The following SGCZ variants were observed in gnomAD, a reference collection of about 807,000 sequenced individuals.
SGCZ encodes sarcoglycan zeta, also known as zeta-sarcoglycan.
In SGCZ, 40 loss-of-function variants were observed where a neutral mutation model predicts 41.3. That is an observed-to-expected ratio of 0.97 (90% CI 0.75 to 1.26). The LOEUF (loss-of-function observed/expected upper bound fraction) is 1.26, where lower values mean the gene tolerates loss of function less well. Ranked by LOEUF, SGCZ falls within the 50% of genes most tolerant of loss-of-function variation. SGCZ has a pLI of 0.00. For synonymous variants in SGCZ, 206 were observed against 137.5 expected (o/e 1.50, Z -3.49); for missense variants, 552 against 369.8 (o/e 1.49, Z -4.04).
intron 6 of SGCZ, among the ~76,000 whole-genome samples, chr8:14,103,888 ATCTAAATG>A (rs1003991883): frequency 5.3e-5 from 8 of 152,314 alleles, no homozygotes; most frequent in Non-Finnish European, 1.2e-4. Context: ...TACGCACAGT[ATCTAAATG>A]TCAAAATTTG....
chr8:15,141,925 C>T (rs902861517), intron 1 of SGCZ, among the ~76,000 whole-genome samples: 6 of 151,552 alleles, frequency 4.0e-5, no homozygotes, highest in African/African-American at 1.5e-4. Flanking sequence ...AAAATGAGAA[C>T]CTCAGTGAAA....
intron 1 of SGCZ, among the ~76,000 whole-genome samples, chr8:14,765,720 G>A (rs557602606): frequency 1.8e-4 from 28 of 152,190 alleles, no homozygotes; most frequent in African/African-American, 6.7e-4. Flanking sequence ...CATGACAAAC[G>A]CTAACAGAAA....
chr8:14,293,349 T>C (rs755344561), intron 3 of SGCZ, among the ~76,000 whole-genome samples: 1 of 151,982 alleles, frequency 6.6e-6, no homozygotes, highest in Non-Finnish European at 1.5e-5. Flanking sequence ...AAAAGTAGAA[T>C]AGAATTCCAG....
chr8:14,908,344 C>T (rs1799179682), intron 1 of SGCZ, among the ~76,000 whole-genome samples: 1 of 152,068 alleles, frequency 6.6e-6, no homozygotes, highest in South Asian at 2.1e-4. Flanking sequence ...TACCTAGTGG[C>T]CATTGTATAG....
chr8:14,856,527 A>G (rs1803551120), intron 1 of SGCZ, among the ~76,000 whole-genome samples: 1 of 152,206 alleles, frequency 6.6e-6, no homozygotes, highest in Non-Finnish European at 1.5e-5. Flanking sequence ...AGTGACTGCT[A>G]CTGAGAAGCT....
intron 4 of SGCZ, among the ~76,000 whole-genome samples, chr8:14,190,818 G>A (rs915511194): frequency 6.6e-6 from 1 of 151,846 alleles, no homozygotes; most frequent in African/African-American, 2.4e-5. Context: ...TAGCCAGGAT[G>A]GTCTCAATCT....
chr8:14,341,420 C>A (rs770969998), intron 2 of SGCZ, among the ~76,000 whole-genome samples: 3 of 152,170 alleles, frequency 2.0e-5, no homozygotes, highest in Non-Finnish European at 4.4e-5. Flanking sequence ...TCCTCCACAT[C>A]ATCACTAACA....
intron 2 of SGCZ, among the ~76,000 whole-genome samples, chr8:14,403,168 A>T (rs1387554140): frequency 6.7e-6 from 1 of 150,212 alleles, no homozygotes; most frequent in African/African-American, 2.5e-5. Flanking sequence ...GAAGTTGCTT[A>T]TCAGCTTAAG....
At chr8:14,408,951 G>GT (rs1563310398) in intron 2 of SGCZ, among the ~76,000 whole-genome samples, 3 of 106,308 alleles carry the variant, frequency 2.8e-5, no homozygotes, top group African/African-American at 1.9e-4. Flanking sequence ...TAAATTAAGA[G>GT]AGTGTGTGTG....
Position 14,264,831 on chromosome 8 carries a change from C to T in SGCZ, c.337-27152G>A, listed in dbSNP as rs574080748. Among the ~76,000 whole-genome samples, 127 of 152,112 alleles carry T rather than the reference C, an allele frequency of 8.3e-4. 1 individual carries two copies. The highest frequency in any genetic ancestry group is 1.6e-3 in the Non-Finnish European group (108 of 67,972). On this transcript the variant is annotated intron_variant, in intron 3 of 7. Coordinates refer to ENST00000382080, the MANE Select transcript of SGCZ (RefSeq NM_139167.4). ...TTAAAAAATTAGCCGGGCGTGGTGG[C>T]GGGCGCCTGTAGTCCCAGCTACTCG...
chr8:14,840,810 T>C (rs1320341262), intron 1 of SGCZ, among the ~76,000 whole-genome samples: 1 of 151,914 alleles, frequency 6.6e-6, no homozygotes, highest in African/African-American at 2.4e-5. Flanking sequence ...ATGAGACTTT[T>C]TAACCTCTTA....
intron 1 of SGCZ, among the ~76,000 whole-genome samples, chr8:14,741,367 A>G (rs1748697107): frequency 6.6e-6 from 1 of 152,086 alleles, no homozygotes; most frequent in African/African-American, 2.4e-5. Flanking sequence ...AGATCCTCAC[A>G]AAGGAAGTAT....
intron 1 of SGCZ, among the ~76,000 whole-genome samples, chr8:14,616,941 C>G (rs1274982116): frequency 6.6e-6 from 1 of 151,986 alleles, no homozygotes; most frequent in African/African-American, 2.4e-5. Flanking sequence ...CTGCTATTTC[C>G]CAGCTATATA....
intron 1 of SGCZ, among the ~76,000 whole-genome samples, chr8:14,806,561 A>G (rs1055222227): frequency 6.6e-5 from 10 of 152,344 alleles, no homozygotes; most frequent in African/African-American, 2.4e-4. Context: ...TAGACCAATA[A>G]CAGAATCTGA....
At chr8:15,232,583 A>G (rs1456335794) in intron 1 of SGCZ, among the ~76,000 whole-genome samples, 2 of 151,492 alleles carry the variant, frequency 1.3e-5, no homozygotes, top group African/African-American at 4.8e-5. Context: ...TTCAACTTCA[A>G]TTAAACAACT....
intron 5 of SGCZ, among the ~76,000 whole-genome samples, chr8:14,118,516 G>A (rs1299095195): frequency 1.2e-4 from 19 of 152,272 alleles, no homozygotes; most frequent in Admixed American, 1.1e-3. Flanking sequence ...TAGGTTGCCT[G>A]TTCACTCTGA....
At chr8:14,092,382 T>C (rs1388220787) in intron 7 of SGCZ, among the ~76,000 whole-genome samples, 1 of 152,054 alleles carries the variant, frequency 6.6e-6, no homozygotes, top group Non-Finnish European at 1.5e-5. Context: ...GATGGAGATA[T>C]CATTGAATCT....
chr8:14,264,291 G>C (rs774722418), intron 3 of SGCZ, among the ~76,000 whole-genome samples: 13 of 152,142 alleles, frequency 8.5e-5, no homozygotes, highest in Non-Finnish European at 1.5e-4. Context: ...AGGAGAAGGA[G>C]GTTGAAAGAA....
intron 2 of SGCZ, among the ~76,000 whole-genome samples, chr8:14,429,259 A>G (rs1799876372): frequency 6.6e-6 from 1 of 152,208 alleles, no homozygotes; most frequent in Non-Finnish European, 1.5e-5. Context: ...GGAATTGACA[A>G]TGCTGGATGT....
Sources: gnomAD v4.1 joint callset for allele counts (sites outside exome capture counted in the v4.1 genomes callset) on GRCh38, gnomAD v4.1.1 for gene constraint, MANE v1.5 for transcripts, NCBI Gene and HGNC (gene_info 2026-07-23, HGNC 2026-07-21) for gene names.